MAX: variants seen among roughly 807,000 people sequenced by gnomAD.
The protein encoded by MAX is protein max.
In MAX, 3 loss-of-function variants were observed where a neutral mutation model predicts 22.3. The ratio of observed to expected loss-of-function variants is 0.13; its 90% confidence interval spans 0.06 to 0.35. The LOEUF is 0.35. Among genes scored for constraint, MAX ranks in the 10% least tolerant of loss-of-function variants. The pLI is 1.00. For missense variants in MAX, 119 were observed against 209.4 expected (o/e 0.57, Z 2.66); for synonymous variants, 72 against 77.7 (o/e 0.93, Z 0.39).
In MAX at chr14:65,084,228, G is replaced by A; in HGVS notation, c.172-6192C>T. The stretch of plus-strand genomic sequence containing the variant: ...TGTGCACTTGGTAGCTTGAAATGAA[G>A]GTGTGGCATTTCTGCATCAAACTTT... On this transcript the variant is annotated intron_variant, in intron 3 of 4. Coordinates refer to ENST00000358664, the MANE Select transcript of MAX (RefSeq NM_002382.5). The surrounding 1 kb of genome is among the most constrained non-coding windows in gnomAD (Gnocchi z 4.3). 1 of 1,614,062 alleles carries A rather than the reference G, an allele frequency of 6.2e-7. No homozygotes were observed. The highest frequency in any genetic ancestry group is 8.5e-7 in the Non-Finnish European group (1 of 1,179,970).
intron 3 of MAX, among the ~76,000 whole-genome samples, chr14:65,020,051 C>G (rs2139544141): frequency 6.6e-6 from 1 of 152,148 alleles, no homozygotes; most frequent in South Asian, 2.1e-4. Flanking sequence ...CCTTCTTTTC[C>G]CCTGCATGTA....
intron 3 of MAX, among the ~76,000 whole-genome samples, chr14:65,059,329 GC>G (rs200028962): frequency 1.3e-5 from 2 of 150,624 alleles, no homozygotes; most frequent in Admixed American, 1.3e-4. Context: ...CCCCGCACTA[GC>G]CCCTTTTTTT....
rs147351293 is a variant in MAX at position 65,075,542 on chromosome 14, A to T, written c.*934T>A. The stretch of plus-strand genomic sequence containing the variant: ...TTCTTAGAAATACACACGGGAAGAA[A>T]GAAAGATTTCATCATTACTTTATGA... On this transcript the variant is annotated 3_prime_UTR_variant, in exon 5 of 5. Coordinates refer to ENST00000358664, the MANE Select transcript of MAX (RefSeq NM_002382.5). The surrounding 1 kb of genome is among the most constrained non-coding windows in gnomAD (Gnocchi z 4.1). 6.5e-5 allele frequency: 69 copies of T among 1,065,910 alleles called. No homozygotes were observed. In the African/African-American group the frequency reaches 1.0e-3, roughly 16 times the overall value. 66.0% of individuals were successfully genotyped at this position (1,065,910 alleles called of 1,614,324 possible).
chr14:65,101,964 C>G lies in MAX; in HGVS notation c.36+340G>C, dbSNP rs540595667. Among the ~76,000 whole-genome samples, 198 of 152,328 alleles carry G rather than the reference C, an allele frequency of 1.3e-3. 9 individuals carry two copies. The South Asian group carries it at 0.039, about 30-fold the overall frequency. On this transcript the variant is annotated intron_variant, in intron 1 of 4. Coordinates refer to ENST00000358664, the MANE Select transcript of MAX (RefSeq NM_002382.5). ...AGGTCCTGAACGCCGTCCCCTTCCC[C>G]TGGATCCGGACAATGGGATCCCGGG...
intron 3 of MAX, chr14:65,022,172 G>C (rs183227530): frequency 2.4e-6 from 1 of 425,108 alleles, no homozygotes; most frequent in Non-Finnish European, 4.8e-6. Context: ...TAGTTAGTAC[G>C]AGAACAAGCT....
At chr14:65,102,682 G>C, upstream of MAX, 1 of 637,672 alleles carries the variant, frequency 1.6e-6, no homozygotes, top group Non-Finnish European at 1.9e-6. Flanking sequence ...TCCAGGCGAC[G>C]CCAGCCCGGC....
Position 65,012,733 on chromosome 14 carries a change from C to G in MAX, c.172-6449G>C, listed in dbSNP as rs114405954. Among the ~76,000 whole-genome samples the G allele has an allele frequency of 0.013, 1,970 of 152,348 alleles. 21 individuals carry two copies. Among genetic ancestry groups the G allele is most frequent in the Non-Finnish European group, 0.019 (1,317 of 68,034 alleles). On this transcript the variant is annotated intron_variant, in intron 3 of 3. Coordinates refer to the MAX transcript ENST00000341653. This position sits in a 1 kb window ranked among gnomAD's most constrained non-coding sequence, Gnocchi z 5.0. Reference sequence around the variant, plus strand: ...TTAACCCTTTGCCCTATAAGCTGATCTAATTTCTCGCTCATTTATTGAGGA... The same window carrying G: ...TTAACCCTTTGCCCTATAAGCTGATGTAATTTCTCGCTCATTTATTGAGGA...
intron 3 of MAX, among the ~76,000 whole-genome samples, chr14:65,060,348 G>C (rs551464278): frequency 8.6e-5 from 13 of 151,500 alleles, no homozygotes; most frequent in African/African-American, 3.1e-4. Context: ...CAGCACTTTG[G>C]GAGGCCGAGG....
intron 3 of MAX, among the ~76,000 whole-genome samples, chr14:65,085,170 G>A (rs1420764404): frequency 6.6e-6 from 1 of 151,968 alleles, no homozygotes; most frequent in East Asian, 1.9e-4. Flanking sequence ...TGAATATTAG[G>A]CTAAATAAAT....
intron 3 of MAX, among the ~76,000 whole-genome samples, chr14:65,090,858 T>C (rs2063487372): frequency 6.6e-6 from 1 of 152,138 alleles, no homozygotes; most frequent in Admixed American, 6.5e-5. Flanking sequence ...AAAGGGTAAA[T>C]AGAGTTTGGG....
rs1350380247 is a variant in MAX at position 65,032,016 on chromosome 14, G to GTGTA, written c.172-25736_172-25733dup. Among the ~76,000 whole-genome samples, 1 of 149,482 alleles carries GTGTA rather than the reference G, an allele frequency of 6.7e-6. No individual in the cohort carries two copies. Among genetic ancestry groups the GTGTA allele is most frequent in the Non-Finnish European group, 1.5e-5 (1 of 66,914 alleles). ...TGTGTGTGTGTGTGTGTGTGTGTGT[G>GTGTA]TGTACTGGTGAGAGGTTTGAAATCA... On this transcript the variant is annotated intron_variant, in intron 3 of 3. Coordinates refer to the MAX transcript ENST00000341653. The surrounding 1 kb of genome is among the most constrained non-coding windows in gnomAD (Gnocchi z 5.0).
At chr14:65,095,901 C>T (rs956699425) in intron 2 of MAX, among the ~76,000 whole-genome samples, 6 of 152,208 alleles carry the variant, frequency 3.9e-5, no homozygotes, top group African/African-American at 9.6e-5. Context: ...CTTGGTTTCA[C>T]GTGGACCTGC....
At position 65,090,897 on chromosome 14, in the gene MAX, T is replaced by C. The variant is rs764240384; in HGVS notation, c.171+2811A>G. 4.1e-4 allele frequency among the ~76,000 whole-genome samples: 62 copies of C among 152,308 alleles called. No homozygotes were observed. In the Middle Eastern group the frequency reaches 0.017, roughly 42 times the overall value. On this transcript the variant is annotated intron_variant, in intron 3 of 4. Transcript: ENST00000358664. Reference sequence around the variant, plus strand: ...CACATTTAAAGCTTTCTTTCTTTTTTACACAAGTATCCCCTATTATTGGTT... The same window carrying C: ...CACATTTAAAGCTTTCTTTCTTTTTCACACAAGTATCCCCTATTATTGGTT...
chr14:65,024,932 TGTTTG>T (rs899599674), intron 3 of MAX, among the ~76,000 whole-genome samples: 1 of 152,174 alleles, frequency 6.6e-6, no homozygotes, highest in African/African-American at 2.4e-5. Flanking sequence ...TTTTTTTGTT[TGTTTG>T]TTTTTTTTAA....
At chr14:65,070,356 T>G (rs1006259510), downstream of MAX, among the ~76,000 whole-genome samples, 1 of 152,202 alleles carries the variant, frequency 6.6e-6, no homozygotes, top group East Asian at 1.9e-4. This position sits in a 1 kb window ranked among gnomAD's most constrained non-coding sequence, Gnocchi z 4.4. Context: ...TCTTCTTCTC[T>G]AGCCTTTAAT....
intron 3 of MAX, among the ~76,000 whole-genome samples, chr14:65,063,867 A>G (rs1335681126): frequency 6.6e-6 from 1 of 152,094 alleles, no homozygotes; most frequent in Non-Finnish European, 1.5e-5. Context: ...ACCTTTGGAG[A>G]GATTTATTAT....
intron 3 of MAX, among the ~76,000 whole-genome samples, chr14:65,055,778 A>G (rs1332273498): frequency 6.6e-6 from 1 of 152,146 alleles, no homozygotes; most frequent in Non-Finnish European, 1.5e-5. Flanking sequence ...CAGCCTCCCA[A>G]GGTGCCAGGA....
intron 3 of MAX, among the ~76,000 whole-genome samples, chr14:65,051,444 C>T (rs1033626253): frequency 3.3e-5 from 5 of 152,004 alleles, no homozygotes; most frequent in Non-Finnish European, 5.9e-5. Flanking sequence ...AACCATGTCT[C>T]TACTAAAAAT....
In MAX at chr14:65,088,784, A is replaced by G. The variant is rs1351422491; in HGVS notation, c.171+4924T>C. On this transcript the variant is annotated intron_variant, in intron 3 of 4. Coordinates refer to ENST00000358664, the MANE Select transcript of MAX (RefSeq NM_002382.5). This position sits in a 1 kb window ranked among gnomAD's most constrained non-coding sequence, Gnocchi z 5.2. ...TTATTGTAGTGTAGTGCCAGCAGACAGTCATTTAATAATCACACAAATATA... is the reference window on the plus strand; with the variant it reads ...TTATTGTAGTGTAGTGCCAGCAGACGGTCATTTAATAATCACACAAATATA... Among the ~76,000 whole-genome samples the G allele has an allele frequency of 9.9e-5, 15 of 152,230 alleles. No individual in the cohort carries two copies. The highest frequency in any genetic ancestry group is 8.5e-4 in the Admixed American group (13 of 15,288).
Sources: gnomAD v4.1 joint callset for allele counts (sites outside exome capture counted in the v4.1 genomes callset) on GRCh38, gnomAD v4.1.1 for gene constraint, Gnocchi (gnomAD v3.1) non-coding constraint, MANE v1.5 for transcripts, NCBI Gene and HGNC (gene_info 2026-07-23, HGNC 2026-07-21) for gene names.